The following RPS6KA5 variants were observed in gnomAD, a reference collection of about 807,000 sequenced individuals.
RPS6KA5 encodes ribosomal protein S6 kinase A5.
A neutral mutation model predicts 85.5 loss-of-function variants in RPS6KA5; 27 were observed. The observed-to-expected ratio is 0.32, with a 90% CI of 0.23 to 0.44. The LOEUF (loss-of-function observed/expected upper bound fraction) is 0.44, where lower values mean the gene tolerates loss of function less well. Ranked by LOEUF, RPS6KA5 falls within the 20% of genes least tolerant of loss-of-function variation. RPS6KA5 has a pLI of 1.00. For missense variants in RPS6KA5, 811 were observed against 980.9 expected (o/e 0.83, Z 2.31); for synonymous variants, 334 against 348.2 (o/e 0.96, Z 0.46).
chr14:91,012,581 C>T (rs1324011289), intron 1 of RPS6KA5, among the ~76,000 whole-genome samples: 2 of 152,226 alleles, frequency 1.3e-5, no homozygotes, highest in African/African-American at 4.8e-5. Context: ...AAGTCCAAAG[C>T]CTCCCCTGTC....
rs2031843920 is a variant in RPS6KA5 at position 90,848,855 on chromosome 14, C to T, written c.*23219G>A. 6.6e-6 allele frequency: 1 copy of T among 152,092 alleles called. No individual in the cohort carries two copies. The highest frequency in any genetic ancestry group is 2.1e-4 in the South Asian group (1 of 4,830). The allele number at this position is 152,092 out of a possible 1,614,324, so 9.4% of individuals were successfully genotyped here. On this transcript the variant is annotated 3_prime_UTR_variant, in exon 17 of 17. Coordinates refer to ENST00000614987, the MANE Select transcript of RPS6KA5 (RefSeq NM_004755.4). ...ATCCTATCTATGGACTTCATAGAAT[C>T]CCTTATACTTTGTAACATTTTCTGC...
intron 2 of RPS6KA5, among the ~76,000 whole-genome samples, chr14:90,994,390 T>C (rs1223875020): frequency 6.7e-6 from 1 of 149,664 alleles, no homozygotes; most frequent in Non-Finnish European, 1.5e-5. Context: ...TGTCTGGTCA[T>C]TTTTTTAGCA....
intron 4 of RPS6KA5, among the ~76,000 whole-genome samples, chr14:90,944,812 G>A (rs928914754): frequency 4.0e-5 from 6 of 151,820 alleles, no homozygotes; most frequent in Admixed American, 6.6e-5. Context: ...AGAGCTACTC[G>A]GGAAGCTGAG....
chr14:91,018,379 T>C (rs1020806773), intron 1 of RPS6KA5, among the ~76,000 whole-genome samples: 12 of 152,164 alleles, frequency 7.9e-5, no homozygotes, highest in South Asian at 2.1e-4. Context: ...GCCAGCAACA[T>C]ATTATTTCTG....
chr14:91,058,013 G>A (rs1022518851), intron 1 of RPS6KA5, among the ~76,000 whole-genome samples: 2 of 152,120 alleles, frequency 1.3e-5, no homozygotes, highest in African/African-American at 4.8e-5. Flanking sequence ...CTGCACAAAT[G>A]AGCCACCACC....
intron 3 of RPS6KA5, among the ~76,000 whole-genome samples, chr14:90,957,814 C>T (rs1279344247): frequency 6.6e-6 from 1 of 151,752 alleles, no homozygotes; most frequent in Non-Finnish European, 1.5e-5. Flanking sequence ...ACCAAAATTT[C>T]CTTTGTTTTT....
At chr14:91,039,334 T>A (rs1595532227) in intron 1 of RPS6KA5, among the ~76,000 whole-genome samples, 2 of 152,280 alleles carry the variant, frequency 1.3e-5, no homozygotes, top group Middle Eastern at 6.8e-3. Context: ...CCTGGATTCA[T>A]GAAAGCGATT....
At chr14:90,963,676 A>G (rs974768096) in intron 3 of RPS6KA5, among the ~76,000 whole-genome samples, 5 of 152,192 alleles carry the variant, frequency 3.3e-5, no homozygotes, top group Admixed American at 3.3e-4. Flanking sequence ...CAGGGGCGAT[A>G]CGACACACTT....
rs963082299 is a variant in RPS6KA5 at position 90,860,752 on chromosome 14, A to C, written c.*11322T>G. 8 of 152,210 alleles carry C rather than the reference A, an allele frequency of 5.3e-5. No homozygotes were observed. Among genetic ancestry groups the C allele is most frequent in the African/African-American group, 1.9e-4 (8 of 41,464 alleles). 9.4% of individuals were successfully genotyped at this position (152,210 alleles called of 1,614,324 possible). A position where few individuals can be genotyped will look rare whatever the true frequency, so the allele number is the denominator to read the frequency against. On this transcript the variant is annotated 3_prime_UTR_variant, in exon 17 of 17. Transcript: ENST00000614987. ...AAAGCTGAGAGAATTCATTGTCAGA[A>C]GACTGGCACTAAAATAAATACTAAA... is the stretch of plus-strand genomic sequence containing the variant.
intron 3 of RPS6KA5, among the ~76,000 whole-genome samples, chr14:90,959,391 G>C (rs550615170): frequency 6.6e-6 from 1 of 152,306 alleles, no homozygotes; most frequent in Non-Finnish European, 1.5e-5. Flanking sequence ...ACTGTATTGA[G>C]AATAGAAAGG....
At chr14:90,968,864 A>G (rs538493285) in intron 3 of RPS6KA5, among the ~76,000 whole-genome samples, 1 of 152,354 alleles carries the variant, frequency 6.6e-6, no homozygotes, top group South Asian at 2.1e-4. Context: ...CACACAGTTA[A>G]TAACCAAAAC....
chr14:90,997,436 A>G (rs868789675), intron 2 of RPS6KA5, among the ~76,000 whole-genome samples: 2 of 152,164 alleles, frequency 1.3e-5, no homozygotes, highest in South Asian at 2.1e-4. Context: ...GGTGGAGTAC[A>G]GTGGCACAAT....
At chr14:90,978,256 A>G (rs532500334) in intron 3 of RPS6KA5, 50 bp downstream of exon 3, 3 of 1,377,404 alleles carry the variant, frequency 2.2e-6, no homozygotes, top group South Asian at 2.7e-5. Context: ...ATAACTTAAG[A>G]CCCAAAGAAA....
At chr14:91,004,509 A>T (rs1405570649) in intron 1 of RPS6KA5, among the ~76,000 whole-genome samples, 1 of 152,172 alleles carries the variant, frequency 6.6e-6, no homozygotes, top group Non-Finnish European at 1.5e-5. Flanking sequence ...CTTTGCTCAA[A>T]GGAAAAATTA....
At chr14:90,997,339 C>T (rs947653766) in intron 2 of RPS6KA5, among the ~76,000 whole-genome samples, 2 of 152,132 alleles carry the variant, frequency 1.3e-5, no homozygotes, top group Admixed American at 6.5e-5. Flanking sequence ...TATGTTCATA[C>T]AAAAACTTGT....
chr14:91,056,059 T>C (rs1030421343), intron 1 of RPS6KA5, among the ~76,000 whole-genome samples: 1 of 152,186 alleles, frequency 6.6e-6, no homozygotes. Context: ...TTAATTCACT[T>C]AGGATTAAAA....
chr14:91,005,891 A>G (rs1371946823), intron 1 of RPS6KA5, among the ~76,000 whole-genome samples: 1 of 152,176 alleles, frequency 6.6e-6, no homozygotes, highest in East Asian at 1.9e-4. Context: ...TGAGTCATTC[A>G]CATGCTTTAG....
chr14:90,951,062 T>C (rs535037497), intron 3 of RPS6KA5, among the ~76,000 whole-genome samples: 51 of 147,170 alleles, frequency 3.5e-4, no homozygotes, highest in African/African-American at 1.3e-3. Flanking sequence ...GAGGTTGCAG[T>C]TGGCCAAGAT....
chr14:91,023,904 A>G (rs1406198168), intron 1 of RPS6KA5, among the ~76,000 whole-genome samples: 1 of 152,244 alleles, frequency 6.6e-6, no homozygotes, highest in Non-Finnish European at 1.5e-5. Flanking sequence ...TGATAATTGT[A>G]TCATTATCAA....
Sources: allele counts gnomAD v4.1 joint callset (sites outside exome capture counted in the v4.1 genomes callset), GRCh38; gene constraint gnomAD v4.1.1; transcripts MANE v1.5; gene names NCBI Gene and HGNC (gene_info 2026-07-23, HGNC 2026-07-21).